KSR2: variants seen among roughly 807,000 people sequenced by gnomAD.
KSR2 encodes the protein kinase suppressor of ras 2.
KSR2 carries 25 observed loss-of-function variants against 107.8 expected under a neutral mutation model. The observed-to-expected ratio is 0.23, with a 90% CI of 0.17 to 0.32. KSR2 has a LOEUF of 0.32. Among genes scored for constraint, KSR2 ranks in the 10% least tolerant of loss-of-function variants. The pLI, the probability that KSR2 is intolerant of heterozygous loss-of-function variation, is 1.00. For missense variants in KSR2, 887 were observed against 1,268.9 expected (o/e 0.70, Z 4.57); for synonymous variants, 480 against 507.0 (o/e 0.95, Z 0.71).
rs562692208 is a variant in KSR2, at chr12:117,871,980, C to T, written c.181-11549G>A. 2.9e-4 allele frequency among the ~76,000 whole-genome samples: 44 copies of T among 152,226 alleles called. No homozygotes were observed. The South Asian group carries it at 7.7e-3, about 27-fold the overall frequency. Reference sequence around the variant, plus strand: ...TTTATTTTTCTATAAGCCTGAATTACCTATATGATAGTAAGTTACAAATCA... The same window carrying T: ...TTTATTTTTCTATAAGCCTGAATTATCTATATGATAGTAAGTTACAAATCA... On this transcript the variant is annotated intron_variant, in intron 1 of 19. Transcript: ENST00000339824.
At chr12:117,932,116 A>G (rs1427730814) in intron 1 of KSR2, among the ~76,000 whole-genome samples, 2 of 151,904 alleles carry the variant, frequency 1.3e-5, no homozygotes, top group Non-Finnish European at 2.9e-5. Context: ...GCAAAACCCC[A>G]TCTCTACTAA....
At chr12:117,527,242 T>G in intron 12 of KSR2, 123 bp from the exon 13 acceptor site, 1 of 704,318 alleles carries the variant, frequency 1.4e-6, no homozygotes, top group South Asian at 1.6e-5. Context: ...ATCTCACATT[T>G]CATTTCAACA....
chr12:117,720,504 G>T (rs936394594), intron 4 of KSR2, among the ~76,000 whole-genome samples: 3 of 152,196 alleles, frequency 2.0e-5, no homozygotes, highest in African/African-American at 7.2e-5. Flanking sequence ...GTAACACGAG[G>T]CAGAGGCAAG....
At chr12:117,858,031 G>C (rs958229366) in intron 2 of KSR2, among the ~76,000 whole-genome samples, 5 of 152,196 alleles carry the variant, frequency 3.3e-5, no homozygotes, top group African/African-American at 1.2e-4. Context: ...TGCCAGACAG[G>C]AGCTCAGTTC....
intron 3 of KSR2, among the ~76,000 whole-genome samples, chr12:117,784,595 C>T (rs1889999230): frequency 6.6e-6 from 1 of 152,170 alleles, no homozygotes; most frequent in African/African-American, 2.4e-5. Flanking sequence ...CCAGTGTCTG[C>T]TATTTGCATC....
chr12:117,561,122 G>A (rs375537347), intron 7 of KSR2, among the ~76,000 whole-genome samples: 10 of 152,132 alleles, frequency 6.6e-5, no homozygotes, highest in Admixed American at 2.6e-4. Flanking sequence ...GTTTAAAAAG[G>A]CCATAAATAG....
chr12:117,748,106 T>C (rs190113582), intron 4 of KSR2, among the ~76,000 whole-genome samples: 19 of 152,284 alleles, frequency 1.2e-4, no homozygotes, highest in Non-Finnish European at 2.5e-4. Context: ...ATATGCACAA[T>C]GGAGTACTAT....
At chr12:117,936,523 A>G (rs1315554875) in intron 1 of KSR2, among the ~76,000 whole-genome samples, 10 of 50,778 alleles carry the variant, frequency 2.0e-4, no homozygotes, top group Non-Finnish European at 4.7e-4. Context: ...TATTATTATT[A>G]TTATTATTAT....
intron 7 of KSR2, among the ~76,000 whole-genome samples, chr12:117,566,825 A>C (rs1004418074): frequency 6.6e-6 from 1 of 152,206 alleles, no homozygotes; most frequent in African/African-American, 2.4e-5. Context: ...CTGTCCAAGA[A>C]TGTAAACCCA....
At chr12:117,787,560 G>A (rs902362339) in intron 3 of KSR2, among the ~76,000 whole-genome samples, 1 of 152,072 alleles carries the variant, frequency 6.6e-6, no homozygotes, top group African/African-American at 2.4e-5. Context: ...TTGAACCCAG[G>A]AGGCAGAAGT....
intron 3 of KSR2, among the ~76,000 whole-genome samples, chr12:117,837,002 A>G (rs1892242798): frequency 6.6e-6 from 1 of 152,216 alleles, no homozygotes; most frequent in African/African-American, 2.4e-5. Context: ...CCTTCTTTAC[A>G]GTTCATTTTC....
chr12:117,522,126 C>T (rs146824760), intron 14 of KSR2, among the ~76,000 whole-genome samples: 6 of 152,160 alleles, frequency 3.9e-5, no homozygotes, highest in East Asian at 3.9e-4. Context: ...GCAGTTATGG[C>T]GCTTGGGGAG....
At chr12:117,557,492 G>A (rs189246874) in intron 8 of KSR2, among the ~76,000 whole-genome samples, 1 of 152,262 alleles carries the variant, frequency 6.6e-6, no homozygotes, top group Admixed American at 6.5e-5. Flanking sequence ...GTCTGAGGTG[G>A]AGCCATAAAT....
At chr12:117,650,697 T>C (rs991639462) in intron 5 of KSR2, among the ~76,000 whole-genome samples, 1 of 152,208 alleles carries the variant, frequency 6.6e-6, no homozygotes, top group Non-Finnish European at 1.5e-5. Flanking sequence ...ACGCTATACA[T>C]AATACCTTTG....
chr12:117,635,829 T>C (rs1883042785), intron 5 of KSR2, among the ~76,000 whole-genome samples: 1 of 151,564 alleles, frequency 6.6e-6, no homozygotes, highest in African/African-American at 2.4e-5. Flanking sequence ...TCTTGCTCTG[T>C]CACCCAGCCT....
At position 117,820,320 on chromosome 12, in the gene KSR2, T is replaced by C. The variant is rs76367878; in HGVS notation, c.472+35108A>G. ...GAGGTTATTGACAGGAGGCGGGGGA[T>C]GTTCTGCCTAACGCAGATGCTGATT... is the stretch of plus-strand genomic sequence containing the variant. On this transcript the variant is annotated intron_variant, in intron 3 of 19. Coordinates refer to ENST00000339824, the MANE Select transcript of KSR2 (RefSeq NM_173598.6). 5.3e-3 allele frequency among the ~76,000 whole-genome samples: 810 copies of C among 152,256 alleles called. 2 individuals carry two copies. The highest frequency in any genetic ancestry group is 0.024 in the Middle Eastern group (7 of 294).
chr12:117,888,352 A>G (rs759515426), intron 1 of KSR2, among the ~76,000 whole-genome samples: 7 of 152,234 alleles, frequency 4.6e-5, no homozygotes, highest in Admixed American at 1.3e-4. Flanking sequence ...CAAATACTCT[A>G]TGACTCCACC....
intron 1 of KSR2, chr12:117,889,550 A>C (rs1486925707): frequency 6.6e-6 from 1 of 152,212 alleles, no homozygotes; most frequent in Non-Finnish European, 1.5e-5. Flanking sequence ...CTATTTTTAA[A>C]TAACGAGACG....
At chr12:117,559,877 T>C (rs1877990184) in intron 7 of KSR2, among the ~76,000 whole-genome samples, 1 of 152,198 alleles carries the variant, frequency 6.6e-6, no homozygotes. Flanking sequence ...TTGGATTCTC[T>C]TACCATTTTG....
Sources: allele counts gnomAD v4.1 joint callset (sites outside exome capture counted in the v4.1 genomes callset), GRCh38; gene constraint gnomAD v4.1.1; transcripts MANE v1.5; gene names NCBI Gene and HGNC (gene_info 2026-07-23, HGNC 2026-07-21).